Variants in SLC10A7 observed in about 807,000 individuals in gnomAD.
SLC10A7 encodes solute carrier family 10 member 7.
In SLC10A7, 29 loss-of-function variants were observed where a neutral mutation model predicts 43.2. That is an observed-to-expected ratio of 0.67 (90% confidence interval 0.50 to 0.92). SLC10A7 has a LOEUF of 0.92. SLC10A7 is among the 40% of genes least tolerant of loss of function. SLC10A7 has a pLI of 0.00. For synonymous variants in SLC10A7, 152 were observed against 144.8 expected (o/e 1.05, Z -0.35); for missense variants, 295 against 403.2 (o/e 0.73, Z 2.30).
intron 5 of SLC10A7, among the ~76,000 whole-genome samples, chr4:146,437,214 A>T (rs1221021149): frequency 6.6e-6 from 1 of 152,100 alleles, no homozygotes; most frequent in Non-Finnish European, 1.5e-5. Context: ...TTAAAACAGA[A>T]GTAGTCTGTT....
At chr4:146,395,240 C>T (rs1322832496) in intron 5 of SLC10A7, among the ~76,000 whole-genome samples, 2 of 152,028 alleles carry the variant, frequency 1.3e-5, no homozygotes, top group Admixed American at 1.3e-4. Flanking sequence ...CTTAGCCAGG[C>T]AATGTGGCTA....
chr4:146,475,903 T>C (rs1219312322), intron 4 of SLC10A7, among the ~76,000 whole-genome samples: 1 of 152,222 alleles, frequency 6.6e-6, no homozygotes, highest in Non-Finnish European at 1.5e-5. Context: ...ACATATTTTA[T>C]CATAAAAAGT....
intron 11 of SLC10A7, chr4:146,256,748 G>A: frequency 1.7e-6 from 2 of 1,201,654 alleles, no homozygotes; most frequent in Non-Finnish European, 1.2e-6. Context: ...CTACTCGTAT[G>A]GTTCCCCTGT....
At chr4:146,480,729 G>A (rs976729436) in intron 4 of SLC10A7, among the ~76,000 whole-genome samples, 1 of 152,074 alleles carries the variant, frequency 6.6e-6, no homozygotes, top group African/African-American at 2.4e-5. Context: ...CTGGGTGCCA[G>A]CTAAAAGTTG....
At chr4:146,458,559 T>C (rs900660261) in intron 4 of SLC10A7, among the ~76,000 whole-genome samples, 3 of 151,906 alleles carry the variant, frequency 2.0e-5, no homozygotes, top group Admixed American at 6.6e-5. Flanking sequence ...AGTTGGATTA[T>C]TCCTTATAAA....
intron 5 of SLC10A7, among the ~76,000 whole-genome samples, chr4:146,374,972 G>T (rs1737081958): frequency 6.6e-6 from 1 of 152,170 alleles, no homozygotes; most frequent in Non-Finnish European, 1.5e-5. Context: ...TTGGGAGGCT[G>T]AGGCAGATGG....
intron 4 of SLC10A7, among the ~76,000 whole-genome samples, chr4:146,471,259 T>A (rs537760147): frequency 4.6e-5 from 7 of 152,196 alleles, no homozygotes; most frequent in Non-Finnish European, 8.8e-5. Flanking sequence ...GTAGAAATAG[T>A]TACATACATA....
chr4:146,306,038 T>C (rs745981214), intron 6 of SLC10A7, 29 bp from the exon 7 acceptor site: 4 of 1,538,516 alleles, frequency 2.6e-6, no homozygotes, highest in Non-Finnish European at 3.5e-6. Context: ...GGAGTTAGAA[T>C]TACTTCAAAT....
At chr4:146,496,412 C>T in intron 4 of SLC10A7, among the ~76,000 whole-genome samples, 1 of 152,140 alleles carries the variant, frequency 6.6e-6, no homozygotes, top group South Asian at 2.1e-4. Flanking sequence ...TCTCCTGTCC[C>T]TCTTTCTCTT....
chr4:146,345,566 T>C (rs1467620092), intron 5 of SLC10A7, among the ~76,000 whole-genome samples: 1 of 152,142 alleles, frequency 6.6e-6, no homozygotes, highest in Non-Finnish European at 1.5e-5. Flanking sequence ...CCTTCAGTTA[T>C]CAAGGAAGTC....
At chr4:146,334,165 T>C (rs563305472) in intron 5 of SLC10A7, among the ~76,000 whole-genome samples, 1 of 152,150 alleles carries the variant, frequency 6.6e-6, no homozygotes, top group East Asian at 1.9e-4. Flanking sequence ...GGAAAGATGA[T>C]GAGTTTGAGG....
chr4:146,296,900 T>TAGAGG (rs1406107936), intron 7 of SLC10A7, among the ~76,000 whole-genome samples: 7 of 152,188 alleles, frequency 4.6e-5, no homozygotes, highest in Admixed American at 4.6e-4. Flanking sequence ...ACACTTTTGA[T>TAGAGG]ATAATCATTC....
At chr4:146,261,305 T>C (rs1013322440) in intron 10 of SLC10A7, among the ~76,000 whole-genome samples, 1 of 152,222 alleles carries the variant, frequency 6.6e-6, no homozygotes, top group African/African-American at 2.4e-5. Context: ...TAACTCATCA[T>C]GCCCCTGAGG....
Position 146,330,667 on chromosome 4 carries a change from C to T in SLC10A7, c.436-4671G>A, listed in dbSNP as rs147332994. 5.8e-3 allele frequency among the ~76,000 whole-genome samples: 882 copies of T among 152,248 alleles called. 11 individuals carry two copies. The highest frequency in any genetic ancestry group is 0.02 in the African/African-American group (845 of 41,534). ...TTATTATTAAAATAATAAAAGCTAA[C>T]ATTTATGCAGTACTTATGCTGCATA... On this transcript the variant is annotated intron_variant, in intron 5 of 11. Coordinates refer to ENST00000335472, the MANE Select transcript of SLC10A7 (RefSeq NM_001029998.6).
chr4:146,418,594 T>A (rs1418978826), intron 5 of SLC10A7, among the ~76,000 whole-genome samples: 1 of 152,194 alleles, frequency 6.6e-6, no homozygotes, highest in Non-Finnish European at 1.5e-5. Flanking sequence ...TGATCGTTTT[T>A]AATTTAATTT....
intron 5 of SLC10A7, among the ~76,000 whole-genome samples, chr4:146,395,343 T>C (rs1348354250): frequency 6.6e-6 from 1 of 152,208 alleles, no homozygotes; most frequent in Admixed American, 6.6e-5. Context: ...TGTGCCGTGA[T>C]CATGCCACTG....
At chr4:146,289,706 GTTTTT>G (rs776153195) in intron 9 of SLC10A7, among the ~76,000 whole-genome samples, 2 of 88,072 alleles carry the variant, frequency 2.3e-5, no homozygotes, top group African/African-American at 4.7e-5. Context: ...CTGATTATTA[GTTTTT>G]TTTTTTTTTT....
intron 10 of SLC10A7, among the ~76,000 whole-genome samples, chr4:146,269,502 G>C (rs2111041889): frequency 6.6e-6 from 1 of 152,288 alleles, no homozygotes; most frequent in South Asian, 2.1e-4. Context: ...CTTCTAAAGA[G>C]ACAATCTGGC....
intron 5 of SLC10A7, among the ~76,000 whole-genome samples, chr4:146,399,841 G>A (rs1300448005): frequency 6.6e-6 from 1 of 152,000 alleles, no homozygotes; most frequent in Non-Finnish European, 1.5e-5. Flanking sequence ...TAGATATCTA[G>A]GATGGAACAT....
Sources: allele counts gnomAD v4.1 joint callset (sites outside exome capture counted in the v4.1 genomes callset), GRCh38; gene constraint gnomAD v4.1.1; transcripts MANE v1.5; gene names NCBI Gene and HGNC (gene_info 2026-07-23, HGNC 2026-07-21).